Variants in SPINK9 observed in about 807,000 individuals in gnomAD.
SPINK9 encodes the protein serine protease inhibitor Kazal-type 9.
Under a neutral mutation model 10.8 loss-of-function variants are expected in SPINK9, and 3 were observed. The ratio of observed to expected loss-of-function variants is 0.28; its 90% CI spans 0.13 to 0.72. SPINK9 has a LOEUF of 0.72. SPINK9 is among the 30% of genes least tolerant of loss of function. SPINK9 has a pLI of 0.74. For missense variants in SPINK9, 101 were observed against 103.2 expected, an observed-to-expected ratio of 0.98 and a Z score of 0.09; for synonymous variants, 30 against 31.2, an observed-to-expected ratio of 0.96 and a Z score of 0.12.
chr5:148,333,987 A>C (rs1160270769), upstream of SPINK9, among the ~76,000 whole-genome samples: 1 of 152,068 alleles, frequency 6.6e-6, no homozygotes, highest in Non-Finnish European at 1.5e-5. Context: ...TGATTCCTTT[A>C]ATTCTAATAT....
intron 2 of SPINK9, among the ~76,000 whole-genome samples, chr5:148,324,253 A>T (rs1757031013): frequency 6.6e-6 from 1 of 152,146 alleles, no homozygotes; most frequent in Admixed American, 6.6e-5. Flanking sequence ...ACATACAAAG[A>T]TTATACACAT....
chr5:148,326,783 G>A (rs1245175637), intron 2 of SPINK9, among the ~76,000 whole-genome samples: 12 of 150,618 alleles, frequency 8.0e-5, no homozygotes, highest in Non-Finnish European at 1.2e-4. Flanking sequence ...TTGTCCTTGC[G>A]ACAGTTTGCT....
At chr5:148,325,250 T>C (rs1374964427) in intron 2 of SPINK9, among the ~76,000 whole-genome samples, 1 of 152,154 alleles carries the variant, frequency 6.6e-6, no homozygotes, top group Non-Finnish European at 1.5e-5. Context: ...TGTACAAGTT[T>C]TGTGTGGACA....
chr5:148,325,640 C>T lies in SPINK9; in HGVS notation c.118+1772C>T, dbSNP rs114650336. Among the ~76,000 whole-genome samples the T allele has an allele frequency of 8.1e-3, 1,233 of 152,096 alleles. 21 individuals carry two copies. Among genetic ancestry groups the T allele is most frequent in the African/African-American group, 0.028 (1,179 of 41,502 alleles). On this transcript the variant is annotated intron_variant, in intron 2 of 4. Transcript: ENST00000511717. ...TGAACTGTAATTTTTTATATATATT[C>T]TAGATACCAGTGTCTCATAAGATAC...
In SPINK9 at chr5:148,336,466, A is replaced by G; in HGVS notation, c.87+13A>G. On this transcript the variant is annotated intron_variant, in intron 2 of 3. Transcript: ENST00000377906. ...GACGAAACAGATGGTCAGTACACCC[A>G]TCCTACTTTTATGTAATTTTAAAGT... 6.2e-7 allele frequency: 1 copy of G among 1,612,770 alleles called. No individual in the cohort carries two copies. The highest frequency in any genetic ancestry group is 1.7e-4 in the Middle Eastern group (1 of 6,050).
At chr5:148,331,831 G>A (rs1381144957), upstream of SPINK9, among the ~76,000 whole-genome samples, 1 of 152,090 alleles carries the variant, frequency 6.6e-6, no homozygotes, top group Non-Finnish European at 1.5e-5. Flanking sequence ...CTATCCTTAT[G>A]TCTCTATTAT....
At chr5:148,333,340 A>G (rs554037451), upstream of SPINK9, among the ~76,000 whole-genome samples, 2 of 152,348 alleles carry the variant, frequency 1.3e-5, no homozygotes, top group South Asian at 4.1e-4. Flanking sequence ...TGCAGGAAAG[A>G]ATTCAAGGGC....
At chr5:148,323,816 A>G (rs1163071733) in exon 2 of SPINK9, 5 of 701,780 alleles carry the variant, frequency 7.1e-6, no homozygotes, top group Non-Finnish European at 1.3e-5. Flanking sequence ...GCTCAGGAGA[A>G]CACAATGAAC....
chr5:148,329,660 C>G (rs1375741952), intron 2 of SPINK9, among the ~76,000 whole-genome samples: 2 of 151,738 alleles, frequency 1.3e-5, no homozygotes. Flanking sequence ...AAATTTCCCT[C>G]TACACACTGC....
chr5:148,321,323 G>A (rs1756997110), exon 1 of SPINK9: 1 of 152,078 alleles, frequency 6.6e-6, no homozygotes, highest in Admixed American at 6.6e-5. Context: ...GGAGCTGATG[G>A]AGCTGAAAGC....
upstream of SPINK9, among the ~76,000 whole-genome samples, chr5:148,331,127 C>T (rs572962675): frequency 1.5e-4 from 23 of 152,276 alleles, 1 homozygote; most frequent in South Asian, 4.1e-3. Flanking sequence ...CCCAGTGAGA[C>T]GAACCCAGTA....
chr5:148,339,702 G>A lies in SPINK9; in HGVS notation c.251G>A (p.Gly84Glu). The change falls in exon 4 of 4, where the codon GGA (glycine) becomes GAA (glutamate). Residue 84 changes from glycine (G) to glutamate (E), a missense_variant. Transcript: ENST00000377906. Reference sequence around the variant, plus strand: ...GGCACACTTAAATTTGTACATTTTGGAAAATGTTAAATCTATCTTGTGAGT... The same window carrying A: ...GGCACACTTAAATTTGTACATTTTGAAAAATGTTAAATCTATCTTGTGAGT... Reference protein sequence around the residue: ...TDGTLKFVHFGKC With the variant: ...TDGTLKFVHFEKC 6.2e-7 allele frequency: 1 copy of A among 1,612,200 alleles called. No homozygotes were observed. The highest frequency in any genetic ancestry group is 8.5e-7 in the Non-Finnish European group (1 of 1,178,854).
upstream of SPINK9, among the ~76,000 whole-genome samples, chr5:148,333,376 T>G (rs758123687): frequency 6.6e-6 from 1 of 152,228 alleles, no homozygotes; most frequent in Non-Finnish European, 1.5e-5. Flanking sequence ...CACAGCATCT[T>G]TTACTGAAGT....
At position 148,338,232 on chromosome 5, in the gene SPINK9, A is replaced by G. The variant is rs184927038; in HGVS notation, c.88-246A>G. Reference sequence around the variant, plus strand: ...GATACATCAACCAGTATTGTGAGAAAAAAATCTATTTTTACATTAAGGTAT... The same window carrying G: ...GATACATCAACCAGTATTGTGAGAAGAAAATCTATTTTTACATTAAGGTAT... On this transcript the variant is annotated intron_variant, in intron 2 of 3. Coordinates refer to ENST00000377906, the MANE Select transcript of SPINK9 (RefSeq NM_001040433.2). Among the ~76,000 whole-genome samples the G allele has an allele frequency of 2.3e-4, 35 of 152,284 alleles. No homozygotes were observed. The East Asian group carries it at 6.6e-3, about 29-fold the overall frequency.
At chr5:148,322,931 T>C (rs377013625) in intron 1 of SPINK9, among the ~76,000 whole-genome samples, 81 of 152,140 alleles carry the variant, frequency 5.3e-4, no homozygotes, top group African/African-American at 1.8e-3. Context: ...CTTTCTGAAA[T>C]TGAAGTCTAG....
chr5:148,331,096 T>C (rs1403496808), upstream of SPINK9, among the ~76,000 whole-genome samples: 1 of 152,230 alleles, frequency 6.6e-6, no homozygotes, highest in Non-Finnish European at 1.5e-5. Context: ...CCCACTGTCC[T>C]GCACCCACTG....
Position 148,338,653 on chromosome 5 carries a change from A to G in SPINK9, c.215+48A>G, listed in dbSNP as rs189137330. The G allele has an allele frequency of 4.0e-4, 551 of 1,378,124 alleles. 1 individual carries two copies. The African/African-American group carries it at 7.1e-3, about 18-fold the overall frequency. The allele number at this position is 1,378,124 out of a possible 1,614,324, so 85.4% of individuals were successfully genotyped here. A position where few individuals can be genotyped will look rare whatever the true frequency, so the allele number is the denominator to read the frequency against. On this transcript the variant is annotated intron_variant, in intron 3 of 3. Coordinates refer to ENST00000377906, the MANE Select transcript of SPINK9 (RefSeq NM_001040433.2). ...TTTCATATTTAAGGTAAAAGTATAT[A>G]TTAAGACAAATTAGAAGGTGTGATG...
intron 2 of SPINK9, among the ~76,000 whole-genome samples, chr5:148,327,997 T>G (rs1293218229): frequency 6.6e-5 from 10 of 151,348 alleles, no homozygotes; most frequent in Non-Finnish European, 1.2e-4. Context: ...GGGCTCTTTT[T>G]TGGTTCCATA....
At position 148,338,579 on chromosome 5, in the gene SPINK9, T is replaced by G. The variant is rs1757248611; in HGVS notation, c.189T>G (p.Asn63Lys). ...GATCTGATGGCAAAACTTATAAAAA[T>G]GATTGCTTCTTCTGTTCTAAAGTTA... Reference protein sequence around the residue: ...ICGSDGKTYKNDCFFCSKVKK... With the variant: ...ICGSDGKTYKKDCFFCSKVKK... Residue 63 changes from asparagine (N) to lysine (K), a missense_variant, in exon 3 of 4, where the codon AAT (asparagine) becomes AAG (lysine). By Grantham distance (94) the Asn-to-Lys change is moderately conservative. Transcript: ENST00000377906. The G allele has an allele frequency of 6.3e-7, 1 of 1,594,844 alleles. No homozygotes were observed. Among genetic ancestry groups the G allele is most frequent in the Non-Finnish European group, 8.6e-7 (1 of 1,164,912 alleles).
Sources: gnomAD v4.1 joint callset for allele counts (sites outside exome capture counted in the v4.1 genomes callset) on GRCh38, gnomAD v4.1.1 for gene constraint, MANE v1.5 for transcripts, NCBI Gene and HGNC (gene_info 2026-07-23, HGNC 2026-07-21) for gene names.